Variants in DAB1 observed in about 807,000 individuals in gnomAD.
The protein encoded by DAB1 is disabled homolog 1.
Under a neutral mutation model 64.6 loss-of-function variants are expected in DAB1, and 15 were observed. That is an observed-to-expected ratio of 0.23 (90% CI 0.16 to 0.36). The LOEUF (loss-of-function observed/expected upper bound fraction) is 0.36, where lower values mean the gene tolerates loss of function less well. Ranked by LOEUF, DAB1 falls within the 10% of genes least tolerant of loss-of-function variation. DAB1 has a pLI of 1.00. For synonymous variants in DAB1, 235 were observed against 251.9 expected (o/e 0.93, Z 0.64); for missense variants, 596 against 706.7 (o/e 0.84, Z 1.78).
At chr1:57,933,920 G>A (rs531499864) in intron 5 of DAB1, among the ~76,000 whole-genome samples, 6 of 149,742 alleles carry the variant, frequency 4.0e-5, no homozygotes, top group East Asian at 2.0e-4. Flanking sequence ...TTTTGAGACC[G>A]AGTCTCACTC....
At chr1:58,241,819 C>T (rs987187145) in intron 4 of DAB1, among the ~76,000 whole-genome samples, 1 of 152,052 alleles carries the variant, frequency 6.6e-6, no homozygotes, top group South Asian at 2.1e-4. Context: ...AATGATAATA[C>T]ATGTTGCTGG....
chr1:57,010,337 A>G lies in DAB1; in HGVS notation c.*15+343T>C, dbSNP rs187868016. Among the ~76,000 whole-genome samples, 1,050 of 152,236 alleles carry G rather than the reference A, an allele frequency of 6.9e-3. 45 individuals are homozygous for G. The highest frequency in any genetic ancestry group is 0.066 in the Admixed American group (1,001 of 15,274). On this transcript the variant is annotated intron_variant, in intron 14 of 14. Coordinates refer to ENST00000371236, the MANE Select transcript of DAB1 (RefSeq NM_001365792.1). ...TCTATCACCACCAACCACGCAGAACATATTATTAATAAAATAATATGATCA... is the reference window on the plus strand; with the variant it reads ...TCTATCACCACCAACCACGCAGAACGTATTATTAATAAAATAATATGATCA...
intron 6 of DAB1, among the ~76,000 whole-genome samples, chr1:57,728,889 C>T (rs369763187): frequency 8.8e-4 from 134 of 152,216 alleles, no homozygotes; most frequent in Admixed American, 3.7e-3. Context: ...CATGAGATGA[C>T]GTATTTGAAA....
At chr1:57,270,817 C>T (rs1005373302) in intron 2 of DAB1, among the ~76,000 whole-genome samples, 1 of 152,144 alleles carries the variant, frequency 6.6e-6, no homozygotes, top group African/African-American at 2.4e-5. Flanking sequence ...GTGCCAGGCA[C>T]CTTGCTTGGC....
intron 5 of DAB1, among the ~76,000 whole-genome samples, chr1:58,016,320 A>G (rs1211028735): frequency 6.6e-6 from 1 of 152,338 alleles, no homozygotes; most frequent in East Asian, 1.9e-4. Context: ...TTACAAAAGC[A>G]GACAGTGGGC....
intron 4 of DAB1, among the ~76,000 whole-genome samples, chr1:58,184,651 A>G (rs1656977045): frequency 6.6e-6 from 1 of 152,182 alleles, no homozygotes; most frequent in Non-Finnish European, 1.5e-5. Context: ...ATTGGCTGGA[A>G]CATGAATTCT....
rs912532425 is a variant in DAB1, at chr1:58,531,179, T to C, written n.33-3844A>G. Among the ~76,000 whole-genome samples the C allele has an allele frequency of 1.2e-4, 19 of 152,186 alleles. No individual in the cohort carries two copies. In the East Asian group the frequency reaches 3.7e-3, roughly 29 times the overall value. On this transcript the variant is annotated intron_variant and non_coding_transcript_variant, in intron 1 of 20. Transcript: ENST00000485760. The stretch of plus-strand genomic sequence containing the variant: ...TCATTTTAAAAAATCAAGTAAATGT[T>C]TTATTTTACTAATATTTTTGGATAA...
intron 1 of DAB1, among the ~76,000 whole-genome samples, chr1:57,298,117 C>CT (rs373547642): frequency 2.1e-4 from 31 of 150,032 alleles, no homozygotes; most frequent in South Asian, 8.5e-4. Flanking sequence ...ACCTGTCAAT[C>CT]TTTTTTTTTT....
At chr1:57,388,218 G>T (rs747908113) in intron 1 of DAB1, among the ~76,000 whole-genome samples, 2 of 152,138 alleles carry the variant, frequency 1.3e-5, no homozygotes, top group Non-Finnish European at 2.9e-5. Flanking sequence ...TTTCAACAAA[G>T]ATTTCCTTTC....
chr1:58,403,199 C>A (rs1033212886), intron 3 of DAB1, among the ~76,000 whole-genome samples: 2 of 151,908 alleles, frequency 1.3e-5, no homozygotes, highest in Non-Finnish European at 2.9e-5. Context: ...GAGGTTTGGT[C>A]ACTTGTTTCT....
At chr1:57,206,968 C>CTTTTTTTTTTTTTTTTTTTTTTTTTT (rs201111039) in intron 2 of DAB1, among the ~76,000 whole-genome samples, 4 of 84,494 alleles carry the variant, frequency 4.7e-5, no homozygotes, top group Admixed American at 1.7e-4. Flanking sequence ...TCCTTCCTTC[C>CTTTTTTTTTTTTTTTTTTTTTTTTTT]TTTTTTTTTT....
intron 3 of DAB1, among the ~76,000 whole-genome samples, chr1:58,437,318 T>C: frequency 6.6e-6 from 1 of 152,052 alleles, no homozygotes; most frequent in East Asian, 1.9e-4. Flanking sequence ...AAAGACTACA[T>C]TTTAAGAAAA....
At chr1:57,439,426 T>TGTTTG (rs1558381406) in intron 7 of DAB1, among the ~76,000 whole-genome samples, 4 of 94,890 alleles carry the variant, frequency 4.2e-5, no homozygotes, top group South Asian at 7.8e-4. Flanking sequence ...AGGTTTTTTC[T>TGTTTG]TTTTTTTTTT....
chr1:57,757,986 A>C (rs779466514), intron 6 of DAB1, among the ~76,000 whole-genome samples: 2 of 152,000 alleles, frequency 1.3e-5, no homozygotes, highest in Non-Finnish European at 2.9e-5. Flanking sequence ...ACAGTTAATT[A>C]AAAGAAAAAT....
intron 3 of DAB1, among the ~76,000 whole-genome samples, chr1:58,376,139 T>C (rs535644508): frequency 2.0e-5 from 3 of 152,226 alleles, no homozygotes; most frequent in Non-Finnish European, 4.4e-5. Context: ...GCTCCTGGGT[T>C]CATTGATTTT....
chr1:57,855,248 T>C (rs1653702184), intron 1 of DAB1, among the ~76,000 whole-genome samples: 1 of 152,150 alleles, frequency 6.6e-6, no homozygotes, highest in South Asian at 2.1e-4. Flanking sequence ...CACATGATGC[T>C]TGGTGTTTTC....
chr1:58,376,018 C>G (rs1015448036), intron 3 of DAB1, among the ~76,000 whole-genome samples: 1 of 150,996 alleles, frequency 6.6e-6, no homozygotes, highest in East Asian at 1.9e-4. Context: ...TCTGTGGGAT[C>G]GGTGGTGATA....
chr1:57,092,867 A>C (rs1252072075), intron 4 of DAB1, among the ~76,000 whole-genome samples: 1 of 152,176 alleles, frequency 6.6e-6, no homozygotes, highest in Non-Finnish European at 1.5e-5. Flanking sequence ...CTTATCCTTA[A>C]AGAATAAAAA....
intron 3 of DAB1, among the ~76,000 whole-genome samples, chr1:58,419,719 G>A (rs1219009139): frequency 6.6e-6 from 1 of 152,208 alleles, no homozygotes; most frequent in Non-Finnish European, 1.5e-5. Flanking sequence ...GGAGAAGCCA[G>A]GGTGTTTTTC....
Sources: gnomAD v4.1 joint callset for allele counts (sites outside exome capture counted in the v4.1 genomes callset) on GRCh38, gnomAD v4.1.1 for gene constraint, MANE v1.5 for transcripts, NCBI Gene and HGNC (gene_info 2026-07-23, HGNC 2026-07-21) for gene names.